SPATA17: variants seen among roughly 807,000 people sequenced by gnomAD.
The protein encoded by SPATA17 is spermatogenesis-associated protein 17.
A neutral mutation model predicts 62.2 loss-of-function variants in SPATA17; 53 were observed. That is an observed-to-expected ratio of 0.85 (90% CI 0.68 to 1.07). SPATA17 has a LOEUF of 1.07. SPATA17 is among the 50% of genes least tolerant of loss of function. The pLI is 0.00. For missense variants in SPATA17, 466 were observed against 425.5 expected, an observed-to-expected ratio of 1.10 and a Z score of -0.84; for synonymous variants, 146 against 146.8, an observed-to-expected ratio of 0.99 and a Z score of 0.04.
intron 1 of SPATA17, among the ~76,000 whole-genome samples, chr1:217,638,160 A>T (rs1358518711): frequency 6.6e-6 from 1 of 152,108 alleles, no homozygotes; most frequent in Non-Finnish European, 1.5e-5. Context: ...TTTTCATTAA[A>T]AACGTAAAAA....
At chr1:217,728,217 AAAT>A (rs1489132535) in intron 5 of SPATA17, among the ~76,000 whole-genome samples, 2 of 152,174 alleles carry the variant, frequency 1.3e-5, no homozygotes, top group African/African-American at 4.8e-5. Flanking sequence ...AAACAATAGG[AAAT>A]AATATTTTAA....
intron 5 of SPATA17, among the ~76,000 whole-genome samples, chr1:217,702,185 C>T (rs1415442906): frequency 6.6e-6 from 1 of 152,016 alleles, no homozygotes; most frequent in Non-Finnish European, 1.5e-5. Context: ...TTTTAACTAA[C>T]TTAACATGTT....
At chr1:217,762,968 CA>C (rs1451293886) in intron 6 of SPATA17, among the ~76,000 whole-genome samples, 1 of 152,082 alleles carries the variant, frequency 6.6e-6, no homozygotes, top group Non-Finnish European at 1.5e-5. Context: ...AAACCAAAAA[CA>C]AACAAACAAA....
At chr1:217,837,777 CATTT>C (rs1675295541) in intron 9 of SPATA17, among the ~76,000 whole-genome samples, 1 of 152,084 alleles carries the variant, frequency 6.6e-6, no homozygotes, top group Non-Finnish European at 1.5e-5. Context: ...CTTCAGGGCA[CATTT>C]ATTAAGAAAG....
rs936655771 is a variant in SPATA17, at chr1:217,809,197, A to AT, written c.1005+7357dup. Among the ~76,000 whole-genome samples, 1,331 of 150,298 alleles carry AT rather than the reference A, an allele frequency of 8.9e-3. 13 individuals are homozygous for AT. The highest frequency in any genetic ancestry group is 0.03 in the African/African-American group (1,252 of 41,080). On this transcript the variant is annotated intron_variant, in intron 9 of 10. Coordinates refer to ENST00000366933, the MANE Select transcript of SPATA17 (RefSeq NM_138796.4). ...AGTAAATTGGATACTTCAGAAAGCAATTTTTTTTTTGTTTGCAGCTAAGAC... is the reference window on the plus strand; with the variant it reads ...AGTAAATTGGATACTTCAGAAAGCAATTTTTTTTTTTGTTTGCAGCTAAGAC...
chr1:217,839,001 A>G (rs868636237), intron 9 of SPATA17, among the ~76,000 whole-genome samples: 6 of 152,086 alleles, frequency 3.9e-5, no homozygotes, highest in African/African-American at 1.4e-4. Context: ...AAAAATTCTA[A>G]TATAAATAAA....
chr1:217,728,972 T>G (rs527811433), intron 5 of SPATA17, among the ~76,000 whole-genome samples: 1 of 152,316 alleles, frequency 6.6e-6, no homozygotes, highest in African/African-American at 2.4e-5. Context: ...TTCACTCCAA[T>G]AATTCTGTGG....
intron 9 of SPATA17, among the ~76,000 whole-genome samples, chr1:217,838,430 A>G (rs957797570): frequency 1.2e-4 from 18 of 152,042 alleles, no homozygotes; most frequent in African/African-American, 3.9e-4. Flanking sequence ...TCACTAAACT[A>G]TTTTCCAGTT....
chr1:217,830,838 T>C (rs1422026481), intron 9 of SPATA17, among the ~76,000 whole-genome samples: 1 of 152,120 alleles, frequency 6.6e-6, no homozygotes, highest in East Asian at 1.9e-4. Flanking sequence ...TTTAAATCTG[T>C]TTACAAGTTA....
In SPATA17 at chr1:217,774,307, A is replaced by T. The variant is rs781578627; in HGVS notation, c.520-27A>T. The T allele has an allele frequency of 1.9e-5, 30 of 1,583,062 alleles. No individual in the cohort carries two copies. The African/African-American group carries it at 2.6e-4, about 14-fold the overall frequency. On this transcript the variant is annotated intron_variant, in intron 6 of 10. Transcript: ENST00000366933. ...TATTTCATCTGAAAATTAAAGAAAA[A>T]ATCAAAATTGCTTTCTTCTTCTTTA...
chr1:217,863,383 G>A (rs1675938448), intron 10 of SPATA17, among the ~76,000 whole-genome samples: 1 of 151,852 alleles, frequency 6.6e-6, no homozygotes. Context: ...TGCCCTCCGT[G>A]GCCTCCCAAA....
At chr1:217,729,875 A>G (rs1672360316) in intron 5 of SPATA17, among the ~76,000 whole-genome samples, 1 of 152,214 alleles carries the variant, frequency 6.6e-6, no homozygotes, top group Non-Finnish European at 1.5e-5. Flanking sequence ...TTTAAAAACA[A>G]AATACACAGA....
intron 3 of SPATA17, 43 bp downstream of exon 3, chr1:217,651,221 T>C (rs760010709): frequency 7.7e-6 from 11 of 1,432,316 alleles, no homozygotes; most frequent in Non-Finnish European, 1.1e-5. Flanking sequence ...AATTGTACAA[T>C]ATGCTGTAAC....
intron 5 of SPATA17, among the ~76,000 whole-genome samples, chr1:217,733,676 C>A (rs985903888): frequency 2.4e-4 from 37 of 152,090 alleles, no homozygotes; most frequent in Admixed American, 4.6e-4. Context: ...AGTGTTAATT[C>A]TCTACATGAT....
chr1:217,650,083 G>A (rs1287205666), intron 2 of SPATA17, among the ~76,000 whole-genome samples: 1 of 151,966 alleles, frequency 6.6e-6, no homozygotes, highest in Non-Finnish European at 1.5e-5. Context: ...GGGATTACAG[G>A]CATGTGCCAC....
intron 9 of SPATA17, among the ~76,000 whole-genome samples, chr1:217,816,501 T>C (rs1312219252): frequency 1.3e-5 from 2 of 151,790 alleles, no homozygotes; most frequent in Non-Finnish European, 2.9e-5. Context: ...ATAATCTTTT[T>C]ACTTCATTTA....
At chr1:217,686,267 T>C (rs1436682797) in intron 5 of SPATA17, among the ~76,000 whole-genome samples, 3 of 152,164 alleles carry the variant, frequency 2.0e-5, no homozygotes, top group African/African-American at 4.8e-5. Flanking sequence ...CAGAGCCTTT[T>C]GGGGAAGGTC....
intron 5 of SPATA17, among the ~76,000 whole-genome samples, chr1:217,697,026 T>C (rs1671475232): frequency 1.3e-5 from 2 of 152,226 alleles, no homozygotes; most frequent in Non-Finnish European, 2.9e-5. Flanking sequence ...TATTCTTTTG[T>C]TTGAGACAGT....
At chr1:217,700,950 T>A (rs1369000559) in intron 5 of SPATA17, among the ~76,000 whole-genome samples, 1 of 151,400 alleles carries the variant, frequency 6.6e-6, no homozygotes, top group African/African-American at 2.4e-5. Flanking sequence ...TTCAATTATA[T>A]CTTTGTGTTT....
Sources: allele counts gnomAD v4.1 joint callset (sites outside exome capture counted in the v4.1 genomes callset), GRCh38; gene constraint gnomAD v4.1.1; transcripts MANE v1.5; gene names NCBI Gene and HGNC (gene_info 2026-07-23, HGNC 2026-07-21).